The following ATP1A1 variants were observed in gnomAD, a reference collection of about 807,000 sequenced individuals.
ATP1A1 encodes the protein ATPase Na+/K+ transporting subunit alpha 1, also known as sodium/potassium-transporting ATPase subunit alpha-1.
Under a neutral mutation model 114.8 loss-of-function variants are expected in ATP1A1, and 14 were observed. The ratio of observed to expected loss-of-function variants is 0.12; its 90% CI spans 0.08 to 0.19. The LOEUF (loss-of-function observed/expected upper bound fraction) is 0.19, where lower values mean the gene tolerates loss of function less well. Among genes scored for constraint, ATP1A1 ranks in the 10% least tolerant of loss-of-function variants. The pLI, the probability that ATP1A1 is intolerant of heterozygous loss-of-function variation, is 1.00. For missense variants in ATP1A1, 524 were observed against 1,290.7 expected, an observed-to-expected ratio of 0.41 and a Z score of 9.10; for synonymous variants, 471 against 466.3, an observed-to-expected ratio of 1.01 and a Z score of -0.13.
Position 116,389,515 on chromosome 1 carries a change from G to A in ATP1A1, c.831G>A (p.Leu277=), listed in dbSNP as rs1652304119. Residue 277 remains leucine (L), a synonymous_variant, in exon 8 of 23, where the codon CTG becomes CTA. Coordinates refer to ENST00000295598, the MANE Select transcript of ATP1A1 (RefSeq NM_000701.8). This position sits in a 1 kb window ranked among gnomAD's most constrained non-coding sequence, Gnocchi z 6.9. ...GAATTGCCACACTTGCTTCTGGGCT[G>A]GAAGGAGGCCAGACCCCCATTGCTG... The part of the protein sequence containing the change: ...MGRIATLASG[L]EGGQTPIAAE... The A allele has an allele frequency of 6.2e-7, 1 of 1,614,176 alleles. No individual in the cohort carries two copies. Among genetic ancestry groups the A allele is most frequent in the Non-Finnish European group, 8.5e-7 (1 of 1,180,032 alleles).
chr1:116,378,147 C>T (rs1477854636), intron 1 of ATP1A1, among the ~76,000 whole-genome samples: 1 of 152,160 alleles, frequency 6.6e-6, no homozygotes, highest in East Asian at 1.9e-4. Context: ...TTTTGTGTTT[C>T]GGATAGCAGA....
At chr1:116,396,276 CTTTTTTTTTT>C (rs367825500) in intron 13 of ATP1A1, among the ~76,000 whole-genome samples, 2 of 102,656 alleles carry the variant, frequency 1.9e-5, no homozygotes, top group African/African-American at 4.1e-5. Context: ...GATTTTTATC[CTTTTTTTTTT>C]TTTTTTTTTT....
intron 13 of ATP1A1, 124 bp from the exon 14 acceptor site, chr1:116,396,474 C>A: frequency 8.2e-7 from 1 of 1,218,718 alleles, no homozygotes. Context: ...TTTATATTTG[C>A]ATTCCTTTCC....
chr1:116,386,992 G>C (rs1652142534), intron 3 of ATP1A1, among the ~76,000 whole-genome samples: 1 of 152,178 alleles, frequency 6.6e-6, no homozygotes, highest in Admixed American at 6.5e-5. Flanking sequence ...TTAATCCCTT[G>C]ATCTAAAACT....
rs141191828 is a variant in ATP1A1, at chr1:116,398,680, A to G, written c.2184A>G (p.Ala728=). ...ATGACTCTCCAGCTTTGAAGAAAGC[A>G]GACATTGGGGTTGCTATGGGGATTG... The part of the protein sequence containing the change: ...GVNDSPALKK[A]DIGVAMGIAG... The change falls in exon 16 of 23, where the codon GCA becomes GCG. Residue 728 remains alanine, a synonymous_variant. Transcript: ENST00000295598. The surrounding 1 kb of genome is among the most constrained non-coding windows in gnomAD (Gnocchi z 6.1). 62 of 1,614,078 alleles carry G rather than the reference A, an allele frequency of 3.8e-5. No individual in the cohort carries two copies. The highest frequency in any genetic ancestry group is 5.1e-5 in the Non-Finnish European group (60 of 1,180,026).
rs1040812018 is a variant in ATP1A1, at chr1:116,404,617, G to C, written c.*173G>C. On this transcript the variant is annotated 3_prime_UTR_variant, in exon 23 of 23. Coordinates refer to ENST00000295598, the MANE Select transcript of ATP1A1 (RefSeq NM_000701.8). The surrounding 1 kb of genome is among the most constrained non-coding windows in gnomAD (Gnocchi z 4.8). Reference sequence around the variant, plus strand: ...GAAGCATGTAGCTCTATGGGGGGAGGGGGGAGGGCTGCCTGAAAACCATCC... The same window carrying C: ...GAAGCATGTAGCTCTATGGGGGGAGCGGGGAGGGCTGCCTGAAAACCATCC... The C allele has an allele frequency of 7.4e-5, 82 of 1,109,984 alleles. No individual in the cohort carries two copies. The highest frequency in any genetic ancestry group is 1.5e-4 in the African/African-American group (9 of 60,760). 68.8% of individuals were successfully genotyped at this position (1,109,984 alleles called of 1,614,324 possible).
Position 116,400,877 on chromosome 1 carries a change from G to A in ATP1A1, c.2589G>A (p.Leu863=), listed in dbSNP as rs756405196. Reference sequence around the variant, plus strand: ...CCAACTTAGGAATGATCCAGGCCCTGGGAGGCTTCTTTACTTACTTTGTGA... The same window carrying A: ...CCAACTTAGGAATGATCCAGGCCCTAGGAGGCTTCTTTACTTACTTTGTGA... The part of the protein sequence containing the change: ...AYGQIGMIQA[L]GGFFTYFVIL... Residue 863 remains leucine, a synonymous_variant, in exon 19 of 23, where the codon CTG becomes CTA. Transcript: ENST00000295598. 1 of 1,614,100 alleles carries A rather than the reference G, an allele frequency of 6.2e-7. No homozygotes were observed. Among genetic ancestry groups the A allele is most frequent in the African/African-American group, 1.3e-5 (1 of 74,934 alleles).
chr1:116,404,072 G>C lies in ATP1A1; in HGVS notation c.3043+97G>C. Reference sequence around the variant, plus strand: ...CCCTCAAGGTGTCTAGGCTCCCTCAGTGGTCAGTCTGATTAGCTAAGGTGA... The same window carrying C: ...CCCTCAAGGTGTCTAGGCTCCCTCACTGGTCAGTCTGATTAGCTAAGGTGA... On this transcript the variant is annotated intron_variant, in intron 22 of 22. Coordinates refer to ENST00000295598, the MANE Select transcript of ATP1A1 (RefSeq NM_000701.8). This position sits in a 1 kb window ranked among gnomAD's most constrained non-coding sequence, Gnocchi z 4.8. 8.2e-7 allele frequency: 1 copy of C among 1,214,352 alleles called. No individual in the cohort carries two copies. The highest frequency in any genetic ancestry group is 1.4e-5 in the South Asian group (1 of 72,034). The allele number at this position is 1,214,352 out of a possible 1,614,324, so 75.2% of individuals were successfully genotyped here. A position where few individuals can be genotyped will look rare whatever the true frequency, so the allele number is the denominator to read the frequency against.
chr1:116,384,002 A>T lies in ATP1A1; in HGVS notation c.13-12A>T. The T allele has an allele frequency of 1.2e-6, 2 of 1,607,924 alleles. No individual in the cohort carries two copies. The highest frequency in any genetic ancestry group is 1.7e-6 in the Non-Finnish European group (2 of 1,177,006). On this transcript the variant is annotated splice_polypyrimidine_tract_variant and intron_variant, in intron 1 of 22. Transcript: ENST00000295598. The surrounding 1 kb of genome is among the most constrained non-coding windows in gnomAD (Gnocchi z 5.1). ...TAATTCATGGCCTCACTTTTCCCAC[A>T]TTCTCCTACAGGTTGGACGTGATAA...
At position 116,388,291 on chromosome 1, in the gene ATP1A1, A is replaced by T; in HGVS notation, c.501+47A>T. On this transcript the variant is annotated intron_variant, in intron 5 of 22. Coordinates refer to ENST00000295598, the MANE Select transcript of ATP1A1 (RefSeq NM_000701.8). This position sits in a 1 kb window ranked among gnomAD's most constrained non-coding sequence, Gnocchi z 5.6. ...CCCAGTGGATGACTTGACAGCCCCAAGCATGTCAGCCTGTGAATTAGTGTG... is the reference window on the plus strand; with the variant it reads ...CCCAGTGGATGACTTGACAGCCCCATGCATGTCAGCCTGTGAATTAGTGTG... 1 of 1,410,426 alleles carries T rather than the reference A, an allele frequency of 7.1e-7. No homozygotes were observed. The highest frequency in any genetic ancestry group is 1.0e-6 in the Non-Finnish European group (1 of 995,860). 87.4% of individuals were successfully genotyped at this position (1,410,426 alleles called of 1,614,324 possible).
chr1:116,384,468 A>G lies in ATP1A1; in HGVS notation c.124-315A>G, dbSNP rs912743783. On this transcript the variant is annotated intron_variant, in intron 2 of 22. Coordinates refer to ENST00000295598, the MANE Select transcript of ATP1A1 (RefSeq NM_000701.8). The surrounding 1 kb of genome is among the most constrained non-coding windows in gnomAD (Gnocchi z 5.1). Reference sequence around the variant, plus strand: ...CATAGACTTAACCTGTCTAGAATCGACCTGGTCATCAGAGAAGGCAGATAA... The same window carrying G: ...CATAGACTTAACCTGTCTAGAATCGGCCTGGTCATCAGAGAAGGCAGATAA... Among the ~76,000 whole-genome samples the G allele has an allele frequency of 2.6e-5, 4 of 152,120 alleles. No individual in the cohort carries two copies. The highest frequency in any genetic ancestry group is 2.9e-5 in the Non-Finnish European group (2 of 68,024).
intron 1 of ATP1A1, among the ~76,000 whole-genome samples, chr1:116,380,634 C>T (rs536103528): frequency 3.3e-5 from 5 of 152,262 alleles, no homozygotes; most frequent in African/African-American, 9.6e-5. Context: ...TAGCAAGTCT[C>T]GGGGATGTCT....
chr1:116,398,562 C>T lies in ATP1A1; in HGVS notation c.2125-59C>T. The T allele has an allele frequency of 1.3e-6, 2 of 1,573,636 alleles. No individual in the cohort carries two copies. The highest frequency in any genetic ancestry group is 1.7e-6 in the Non-Finnish European group (2 of 1,155,574). On this transcript the variant is annotated intron_variant, in intron 15 of 22. Coordinates refer to ENST00000295598, the MANE Select transcript of ATP1A1 (RefSeq NM_000701.8). This position sits in a 1 kb window ranked among gnomAD's most constrained non-coding sequence, Gnocchi z 6.1. ...GTGCTCAGTGGGGGCATGCATCGCA[C>T]TATTTCCATCGCTAGGAAAAGTGAT... is the stretch of plus-strand genomic sequence containing the variant.
intron 1 of ATP1A1, among the ~76,000 whole-genome samples, chr1:116,380,996 GA>G (rs1463053387): frequency 6.6e-6 from 1 of 151,996 alleles, no homozygotes; most frequent in Non-Finnish European, 1.5e-5. Flanking sequence ...GTAATCCGTT[GA>G]GTTTCCATTG....
intron 10 of ATP1A1, 117 bp downstream of exon 10, chr1:116,391,008 T>A: frequency 1.2e-6 from 1 of 846,662 alleles, no homozygotes; most frequent in Non-Finnish European, 1.9e-6. Flanking sequence ...GTAGAACACC[T>A]GGAGTGGTCT....
In ATP1A1 at chr1:116,401,037, CAG is replaced by C. The variant is rs765834451; in HGVS notation, c.2718+34_2718+35del. The C allele has an allele frequency of 2.5e-6, 4 of 1,613,458 alleles. No homozygotes were observed. The African/African-American group carries it at 5.3e-5, about 22-fold the overall frequency. On this transcript the variant is annotated intron_variant, in intron 19 of 22. Transcript: ENST00000295598. The surrounding 1 kb of genome is among the most constrained non-coding windows in gnomAD (Gnocchi z 4.7). ...TGGGCACCTCTGACCTGACCAGTGTCAGAGCTCCTCAAGCCCCAGAAGACTGA... is the reference window on the plus strand; with the variant it reads ...TGGGCACCTCTGACCTGACCAGTGTCAGCTCCTCAAGCCCCAGAAGACTGA...
rs539950444 is a variant in ATP1A1 at position 116,397,481 on chromosome 1, G to A, written c.1974-407G>A. Among the ~76,000 whole-genome samples the A allele has an allele frequency of 5.3e-5, 8 of 152,054 alleles. No individual in the cohort carries two copies. The highest frequency in any genetic ancestry group is 2.1e-4 in the South Asian group (1 of 4,818). On this transcript the variant is annotated intron_variant, in intron 14 of 22. Coordinates refer to ENST00000295598, the MANE Select transcript of ATP1A1 (RefSeq NM_000701.8). This position sits in a 1 kb window ranked among gnomAD's most constrained non-coding sequence, Gnocchi z 4.2. ...ATTACAGGCCCCAACCACCATGCCCGGCTAATTTTTGAATTTTTAGACCAC... is the reference window on the plus strand; with the variant it reads ...ATTACAGGCCCCAACCACCATGCCCAGCTAATTTTTGAATTTTTAGACCAC...
intron 1 of ATP1A1, 94 bp downstream of exon 1, chr1:116,373,617 C>A: frequency 8.1e-7 from 1 of 1,237,362 alleles, no homozygotes; most frequent in Non-Finnish European, 1.0e-6. Context: ...CGGGAGGCGG[C>A]GGAGGAGGAA....
chr1:116,390,643 C>G, intron 9 of ATP1A1, 139 bp from the exon 10 acceptor site: 1 of 881,972 alleles, frequency 1.1e-6, no homozygotes. Flanking sequence ...TGAAGAATGC[C>G]TAAAATGTGA....
Sources: allele counts gnomAD v4.1 joint callset (sites outside exome capture counted in the v4.1 genomes callset), GRCh38; gene constraint gnomAD v4.1.1; non-coding constraint Gnocchi (gnomAD v3.1); transcripts MANE v1.5; gene names NCBI Gene and HGNC (gene_info 2026-07-23, HGNC 2026-07-21).